MLLT10: variants seen among roughly 807,000 people sequenced by gnomAD.
MLLT10 encodes protein AF-10.
A neutral mutation model predicts 129.1 loss-of-function variants in MLLT10; 30 were observed. The ratio of observed to expected loss-of-function variants is 0.23; its 90% CI spans 0.17 to 0.32. The LOEUF is 0.32. MLLT10 is among the 10% of genes least tolerant of loss of function. The pLI, the probability that MLLT10 is intolerant of heterozygous loss-of-function variation, is 1.00. For synonymous variants in MLLT10, 490 were observed against 446.4 expected (o/e 1.10, Z -1.23); for missense variants, 1,119 against 1,268.3 (o/e 0.88, Z 1.79).
intron 3 of MLLT10, chr10:21,556,600 G>T (rs1357255290): frequency 6.7e-7 from 1 of 1,502,330 alleles, no homozygotes; most frequent in Admixed American, 1.9e-5. Context: ...CCAGTTACGC[G>T]TTAGTATGTA....
intron 5 of MLLT10, among the ~76,000 whole-genome samples, chr10:21,605,255 C>T (rs1470449823): frequency 2.0e-5 from 3 of 152,222 alleles, no homozygotes; most frequent in Admixed American, 6.5e-5. Context: ...CTCATGATGG[C>T]GTGGCTGACT....
chr10:21,628,740 C>CTT (rs1161362725), intron 8 of MLLT10, among the ~76,000 whole-genome samples: 1,004 of 99,330 alleles, frequency 0.01, 60 homozygotes, highest in African/African-American at 0.038. Flanking sequence ...TGTGCCCTGC[C>CTT]TTTTTTTTTT....
Position 21,681,296 on chromosome 10 carries a change from T to G in MLLT10, c.1622-36T>G, listed in dbSNP as rs2052713916. On this transcript the variant is annotated intron_variant, in intron 11 of 22. Transcript: ENST00000307729. ...TTTTTACCCTTGAGTCACTGGCAAT[T>G]TCTTCACTGATTTCCTTTTTCCTTC... 3.1e-6 allele frequency: 5 copies of G among 1,611,274 alleles called. No individual in the cohort carries two copies. The Admixed American group carries it at 6.8e-5, about 22-fold the overall frequency.
At position 21,698,865 on chromosome 10, in the gene MLLT10, A is replaced by G. The variant is rs560666680; in HGVS notation, c.1700-14907A>G. Reference sequence around the variant, plus strand: ...TTTCATGTATATATTGTCCATTTCTATGTTTTTGTTTTGTTTGGTTTGGTT... The same window carrying G: ...TTTCATGTATATATTGTCCATTTCTGTGTTTTTGTTTTGTTTGGTTTGGTT... On this transcript the variant is annotated intron_variant, in intron 13 of 22. Transcript: ENST00000307729. Among the ~76,000 whole-genome samples the G allele has an allele frequency of 1.1e-4, 16 of 151,902 alleles. No individual in the cohort carries two copies. In the South Asian group the frequency reaches 2.5e-3, roughly 24 times the overall value.
intron 3 of MLLT10, among the ~76,000 whole-genome samples, chr10:21,576,244 T>G: frequency 6.9e-6 from 1 of 145,164 alleles, no homozygotes; most frequent in East Asian, 2.0e-4. Context: ...TCCATTTACT[T>G]TTTTTTTTTT....
chr10:21,542,362 A>T (rs2035321721), intron 3 of MLLT10, among the ~76,000 whole-genome samples: 1 of 152,174 alleles, frequency 6.6e-6, no homozygotes, highest in South Asian at 2.1e-4. Flanking sequence ...TGAGGTCAGG[A>T]GTTCGAGACC....
intron 8 of MLLT10, among the ~76,000 whole-genome samples, chr10:21,641,666 C>G (rs1021430525): frequency 2.0e-5 from 3 of 152,008 alleles, no homozygotes; most frequent in African/African-American, 7.3e-5. Context: ...TTTTTTCCCC[C>G]CTTACCACAA....
At chr10:21,563,790 T>TATATTA (rs2039165219) in intron 3 of MLLT10, among the ~76,000 whole-genome samples, 1 of 141,148 alleles carries the variant, frequency 7.1e-6, no homozygotes, top group Non-Finnish European at 1.5e-5. Flanking sequence ...TCTCACTGTG[T>TATATTA]GTATTATTAT....
Position 21,534,306 on chromosome 10 carries a change from G to GGC in MLLT10, c.-215_-214insGC. ...CCTCGCTGCCCCTGGCCCAGCGGGA[G>GGC]CCCCCCCTCCCCCCAGTGCGCCTGT... On this transcript the variant is annotated 5_prime_UTR_variant, in exon 1 of 23. Transcript: ENST00000307729. The GGC allele has an allele frequency of 1.5e-5, 5 of 333,254 alleles. No homozygotes were observed. The highest frequency in any genetic ancestry group is 4.9e-5 in the African/African-American group (2 of 40,882). 20.6% of individuals were successfully genotyped at this position (333,254 alleles called of 1,614,324 possible).
chr10:21,626,182 G>A lies in MLLT10; in HGVS notation c.699+8975G>A, dbSNP rs1044459936. On this transcript the variant is annotated intron_variant, in intron 8 of 22. Coordinates refer to ENST00000307729, the MANE Select transcript of MLLT10 (RefSeq NM_001195626.3). Reference sequence around the variant, plus strand: ...CACTTTTGTTCTGAACATGTGATAAGTCACTTTCCTTGAACTGCTGTAGTA... The same window carrying A: ...CACTTTTGTTCTGAACATGTGATAAATCACTTTCCTTGAACTGCTGTAGTA... 5 of 1,606,366 alleles carry A rather than the reference G, an allele frequency of 3.1e-6. No individual in the cohort carries two copies. In the African/African-American group the frequency reaches 5.4e-5, roughly 17 times the overall value.
chr10:21,564,779 G>A (rs1319851475), intron 3 of MLLT10, among the ~76,000 whole-genome samples: 2 of 147,680 alleles, frequency 1.4e-5, no homozygotes, highest in East Asian at 3.9e-4. Flanking sequence ...AGCCGCGATC[G>A]CACCATTGCA....
intron 1 of MLLT10, 51 bp downstream of exon 1, chr10:21,534,571 CGGGGGGCTG>C: frequency 1.8e-6 from 2 of 1,117,676 alleles, no homozygotes; most frequent in Non-Finnish European, 2.2e-6. Flanking sequence ...GGGGCGGGCT[CGGGGGGCTG>C]TGTGGGGGGG....
At chr10:21,666,198 G>A (rs919191159) in intron 9 of MLLT10, among the ~76,000 whole-genome samples, 1 of 152,000 alleles carries the variant, frequency 6.6e-6, no homozygotes, top group African/African-American at 2.4e-5. Flanking sequence ...TAGCCTATCA[G>A]AGTTTACCTT....
chr10:21,561,867 C>T (rs150138210), intron 3 of MLLT10, among the ~76,000 whole-genome samples: 1,622 of 151,002 alleles, frequency 0.011, 28 homozygotes, highest in African/African-American at 0.037. Flanking sequence ...GTGTAGTGGC[C>T]CAATCTTGGC....
chr10:21,681,824 T>G (rs1049417309), intron 12 of MLLT10, among the ~76,000 whole-genome samples: 43 of 152,190 alleles, frequency 2.8e-4, no homozygotes, highest in African/African-American at 9.9e-4. Context: ...TAATGAGGTT[T>G]TTCTTTATAA....
chr10:21,674,199 A>G (rs952213692), intron 11 of MLLT10, among the ~76,000 whole-genome samples: 1 of 152,018 alleles, frequency 6.6e-6, no homozygotes, highest in Non-Finnish European at 1.5e-5. Flanking sequence ...CTTACAAAAC[A>G]CTTAGAATTT....
intron 8 of MLLT10, chr10:21,625,112 AC>A: frequency 4.3e-6 from 4 of 939,754 alleles, no homozygotes; most frequent in Non-Finnish European, 6.9e-6. Flanking sequence ...AGCCATATCC[AC>A]CTCTCCCCCA....
chr10:21,701,911 T>TTCTCA (rs1554854983), intron 13 of MLLT10, among the ~76,000 whole-genome samples: 5 of 150,248 alleles, frequency 3.3e-5, no homozygotes, highest in African/African-American at 4.9e-5. Context: ...TTCTCTTCTC[T>TTCTCA]TCTCGTCTCG....
intron 10 of MLLT10, among the ~76,000 whole-genome samples, chr10:21,671,946 C>G (rs1292412563): frequency 6.6e-6 from 1 of 152,060 alleles, no homozygotes; most frequent in African/African-American, 2.4e-5. Context: ...GAACAAGACC[C>G]TGCCTCAAAA....
Sources: allele counts gnomAD v4.1 joint callset (sites outside exome capture counted in the v4.1 genomes callset), GRCh38; gene constraint gnomAD v4.1.1; transcripts MANE v1.5; gene names NCBI Gene and HGNC (gene_info 2026-07-23, HGNC 2026-07-21).